Variants in DPP10 observed in about 807,000 individuals in gnomAD.
DPP10 encodes dipeptidyl peptidase like 10, also known as inactive dipeptidyl peptidase 10.
A neutral mutation model predicts 120.9 loss-of-function variants in DPP10; 33 were observed. The observed-to-expected ratio is 0.27, with a 90% CI of 0.21 to 0.37. The LOEUF (loss-of-function observed/expected upper bound fraction) is 0.37. DPP10 is among the 10% of genes least tolerant of loss of function. The pLI, the probability that DPP10 is intolerant of heterozygous loss-of-function variation, is 1.00. For synonymous variants in DPP10, 337 were observed against 326.1 expected (o/e 1.03, Z -0.36); for missense variants, 816 against 942.8 (o/e 0.87, Z 1.76).
intron 1 of DPP10, among the ~76,000 whole-genome samples, chr2:114,619,088 G>A (rs1016668593): frequency 6.6e-6 from 1 of 151,898 alleles, no homozygotes; most frequent in Non-Finnish European, 1.5e-5. Context: ...TTTCTTGTCC[G>A]CAAAACTGGC....
chr2:114,616,232 C>T (rs1693664001), intron 1 of DPP10, among the ~76,000 whole-genome samples: 1 of 152,058 alleles, frequency 6.6e-6, no homozygotes, highest in South Asian at 2.1e-4. Context: ...TGTAGCGACT[C>T]CCATTACAAT....
intron 3 of DPP10, among the ~76,000 whole-genome samples, chr2:115,459,466 AT>A (rs1313969025): frequency 2.0e-5 from 3 of 152,076 alleles, no homozygotes; most frequent in Admixed American, 1.3e-4. Context: ...TGTGAGTTTG[AT>A]TTTAATATAA....
chr2:114,753,908 CAAAAAAAAA>C (rs777798352), intron 1 of DPP10, among the ~76,000 whole-genome samples: 1 of 33,758 alleles, frequency 3.0e-5, no homozygotes, highest in Middle Eastern at 0.023. Flanking sequence ...GACTCCTTCT[CAAAAAAAAA>C]AAAAAAAAAA....
chr2:114,458,014 G>A (rs2104557142), intron 1 of DPP10, among the ~76,000 whole-genome samples: 1 of 152,276 alleles, frequency 6.6e-6, no homozygotes, highest in South Asian at 2.1e-4. Flanking sequence ...CTTTTCAAGG[G>A]TAAGGCAGGC....
intron 1 of DPP10, among the ~76,000 whole-genome samples, chr2:114,976,161 A>G (rs1221000881): frequency 1.3e-5 from 2 of 152,236 alleles, no homozygotes; most frequent in Non-Finnish European, 2.9e-5. Context: ...TAATCAATTT[A>G]AACTACATAT....
chr2:115,499,397 G>A lies in DPP10; in HGVS notation c.272-113G>A, dbSNP rs1356041357. On this transcript the variant is annotated intron_variant, in intron 3 of 25. Coordinates refer to ENST00000410059, the MANE Select transcript of DPP10 (RefSeq NM_020868.6). ...ACAGAAATCTGCTTGGGTTATTGAA[G>A]GCTAAAAATGATTATTCTAATGTGT... is the stretch of plus-strand genomic sequence containing the variant. 3.8e-6 allele frequency: 3 copies of A among 799,944 alleles called. No individual in the cohort carries two copies. The East Asian group carries it at 8.3e-5, about 22-fold the overall frequency. 49.6% of individuals were successfully genotyped at this position (799,944 alleles called of 1,614,324 possible).
chr2:115,031,999 G>A (rs954010828), intron 1 of DPP10, among the ~76,000 whole-genome samples: 1 of 151,850 alleles, frequency 6.6e-6, no homozygotes, highest in Non-Finnish European at 1.5e-5. Flanking sequence ...AGCCTATTAC[G>A]TATAATTTTT....
At chr2:115,329,488 C>T (rs970611203) in intron 2 of DPP10, among the ~76,000 whole-genome samples, 5 of 151,898 alleles carry the variant, frequency 3.3e-5, no homozygotes, top group South Asian at 2.1e-4. Flanking sequence ...GCAAAACGTG[C>T]GGGTTTGTTA....
At chr2:114,891,404 T>C (rs985540514) in intron 1 of DPP10, among the ~76,000 whole-genome samples, 3 of 152,208 alleles carry the variant, frequency 2.0e-5, no homozygotes, top group African/African-American at 7.2e-5. Context: ...CTCTCAGGGC[T>C]CTTAGGAGTT....
At chr2:114,682,088 G>A (rs1300013006) in intron 1 of DPP10, among the ~76,000 whole-genome samples, 1 of 151,918 alleles carries the variant, frequency 6.6e-6, no homozygotes, top group African/African-American at 2.4e-5. Flanking sequence ...AAGCCCTGCT[G>A]TAAGATTGTA....
chr2:114,839,720 C>T (rs1688008856), intron 1 of DPP10, among the ~76,000 whole-genome samples: 1 of 151,856 alleles, frequency 6.6e-6, no homozygotes, highest in African/African-American at 2.4e-5. Context: ...TCTCTTTGTA[C>T]TTAGATTAAA....
chr2:115,494,158 T>C (rs1176908083), intron 3 of DPP10, among the ~76,000 whole-genome samples: 3 of 152,216 alleles, frequency 2.0e-5, no homozygotes, highest in Non-Finnish European at 4.4e-5. Flanking sequence ...TTGGTCAGGC[T>C]GGTCTCATTC....
intron 21 of DPP10, among the ~76,000 whole-genome samples, chr2:115,825,743 C>A (rs1208215430): frequency 6.6e-6 from 1 of 152,122 alleles, no homozygotes; most frequent in African/African-American, 2.4e-5. Context: ...TCTACTTTTT[C>A]TATCAACTAA....
intron 1 of DPP10, among the ~76,000 whole-genome samples, chr2:115,079,903 T>C (rs1413540381): frequency 6.6e-6 from 1 of 152,122 alleles, no homozygotes; most frequent in East Asian, 1.9e-4. Context: ...TTTCCTACAA[T>C]TGGAAACATT....
intron 1 of DPP10, among the ~76,000 whole-genome samples, chr2:115,056,018 A>G (rs1705876168): frequency 6.6e-6 from 1 of 152,266 alleles, no homozygotes; most frequent in Non-Finnish European, 1.5e-5. Flanking sequence ...CAATAGTCAT[A>G]TCTACTACCT....
At chr2:115,086,863 G>C (rs1398764432) in intron 1 of DPP10, among the ~76,000 whole-genome samples, 2 of 152,112 alleles carry the variant, frequency 1.3e-5, no homozygotes, top group African/African-American at 4.8e-5. Context: ...GACCTCCTGA[G>C]AGCTGTGTCA....
intron 1 of DPP10, among the ~76,000 whole-genome samples, chr2:114,685,960 T>G (rs12463387): frequency 0.053 from 8,128 of 152,044 alleles, 242 homozygotes; most frequent in South Asian, 0.097. Flanking sequence ...TTCTTTAATA[T>G]TGTTCTCATA....
At chr2:114,911,559 A>T (rs1694371113) in intron 1 of DPP10, among the ~76,000 whole-genome samples, 1 of 152,182 alleles carries the variant, frequency 6.6e-6, no homozygotes, top group Non-Finnish European at 1.5e-5. Flanking sequence ...TCTACTTTGG[A>T]TACAGTTTTC....
intron 1 of DPP10, among the ~76,000 whole-genome samples, chr2:114,800,689 G>T (rs1684117628): frequency 6.6e-6 from 1 of 152,116 alleles, no homozygotes; most frequent in Non-Finnish European, 1.5e-5. Context: ...ATGTTTAGAG[G>T]TACATATTGC....
Sources: gnomAD v4.1 joint callset for allele counts (sites outside exome capture counted in the v4.1 genomes callset) on GRCh38, gnomAD v4.1.1 for gene constraint, MANE v1.5 for transcripts, NCBI Gene and HGNC (gene_info 2026-07-23, HGNC 2026-07-21) for gene names.